CCDC141: variants seen among roughly 807,000 people sequenced by gnomAD.
CCDC141 encodes coiled-coil domain containing 141.
Under a neutral mutation model 181.0 loss-of-function variants are expected in CCDC141, and 168 were observed. The observed-to-expected ratio is 0.93, with a 90% CI of 0.82 to 1.05. The LOEUF is 1.05. CCDC141 is among the 50% of genes least tolerant of loss of function. CCDC141 has a pLI of 0.00. For missense variants in CCDC141, 1,902 were observed against 1,788.5 expected, an observed-to-expected ratio of 1.06 and a Z score of -1.14; for synonymous variants, 666 against 642.3, an observed-to-expected ratio of 1.04 and a Z score of -0.56.
intron 5 of CCDC141, among the ~76,000 whole-genome samples, chr2:178,945,965 A>T (rs185953526): frequency 6.6e-6 from 1 of 152,264 alleles, no homozygotes; most frequent in Admixed American, 6.5e-5. Context: ...GGTCTACACC[A>T]ACTCTTAGTA....
chr2:178,829,510 A>C (rs1449062056), downstream of CCDC141, among the ~76,000 whole-genome samples: 2 of 152,240 alleles, frequency 1.3e-5, no homozygotes, highest in African/African-American at 2.4e-5. Flanking sequence ...GATTCATGGA[A>C]AAAGGCCAAA....
intron 2 of CCDC141, among the ~76,000 whole-genome samples, chr2:179,030,861 T>C (rs932420590): frequency 6.6e-6 from 1 of 152,116 alleles, no homozygotes; most frequent in Non-Finnish European, 1.5e-5. Context: ...TCTTTTCTTA[T>C]CCTTGAAATA....
intron 2 of CCDC141, among the ~76,000 whole-genome samples, chr2:179,014,135 G>C (rs1009831420): frequency 6.6e-6 from 1 of 151,964 alleles, no homozygotes; most frequent in Non-Finnish European, 1.5e-5. Flanking sequence ...ACAGCCAACT[G>C]ATCTTCGACA....
At chr2:178,865,446 A>G (rs189882512) in intron 17 of CCDC141, among the ~76,000 whole-genome samples, 1 of 152,314 alleles carries the variant, frequency 6.6e-6, no homozygotes, top group East Asian at 1.9e-4. Flanking sequence ...TGACTGCTAT[A>G]CAGGTTTGAG....
chr2:178,948,674 C>T (rs986029815), intron 5 of CCDC141, among the ~76,000 whole-genome samples: 3 of 152,134 alleles, frequency 2.0e-5, no homozygotes, highest in African/African-American at 7.2e-5. Flanking sequence ...TTAATGCCCT[C>T]CCTTGGTGGG....
downstream of CCDC141, among the ~76,000 whole-genome samples, chr2:178,829,436 C>T (rs1466766661): frequency 6.6e-6 from 1 of 152,184 alleles, no homozygotes; most frequent in East Asian, 1.9e-4. Flanking sequence ...CCAACCTGCA[C>T]TGATGCTCAG....
chr2:178,839,607 A>AAAAAAG (rs1561624006), intron 22 of CCDC141, among the ~76,000 whole-genome samples: 9 of 139,952 alleles, frequency 6.4e-5, no homozygotes, highest in East Asian at 2.0e-4. Context: ...AAAAAAAAAA[A>AAAAAAG]TGTGTTTTCA....
At chr2:178,899,328 A>C (rs1357910254) in intron 8 of CCDC141, among the ~76,000 whole-genome samples, 2 of 151,894 alleles carry the variant, frequency 1.3e-5, no homozygotes, top group Non-Finnish European at 2.9e-5. Flanking sequence ...ATCACCTAAG[A>C]CTCATTTCTC....
intron 2 of CCDC141, among the ~76,000 whole-genome samples, chr2:179,031,775 A>G (rs954446611): frequency 3.9e-5 from 6 of 152,128 alleles, no homozygotes; most frequent in Admixed American, 3.9e-4. Flanking sequence ...TAAAAGTTTA[A>G]TAGCCTATGG....
At chr2:178,995,271 G>A (rs1172387658) in intron 2 of CCDC141, among the ~76,000 whole-genome samples, 1 of 152,200 alleles carries the variant, frequency 6.6e-6, no homozygotes, top group Non-Finnish European at 1.5e-5. Context: ...CAAGGCAGAA[G>A]GCAAGGAGGA....
chr2:178,986,174 A>T (rs928023660), intron 2 of CCDC141, among the ~76,000 whole-genome samples: 12 of 152,218 alleles, frequency 7.9e-5, no homozygotes, highest in African/African-American at 2.9e-4. Context: ...ACGCAAATCA[A>T]TAAATGTCAT....
intron 11 of CCDC141, among the ~76,000 whole-genome samples, chr2:178,881,355 T>C (rs1686598304): frequency 6.6e-6 from 1 of 152,140 alleles, no homozygotes; most frequent in African/African-American, 2.4e-5. Context: ...CATGATTCTA[T>C]AAATATAGGA....
In CCDC141 at chr2:178,868,057, C is replaced by T; in HGVS notation, c.2543G>A (p.Gly848Glu). The T allele has an allele frequency of 1.2e-6, 2 of 1,613,900 alleles. No homozygotes were observed. Among genetic ancestry groups the T allele is most frequent in the Non-Finnish European group, 1.7e-6 (2 of 1,179,864 alleles). ...DHLHRLALSL[G>E]VDIISSVQRP... ...CTGCACTGATGAGATGATGTCGACT[C>T]CTAAGGAAAGGGCCAGTCTGTGGAG... Residue 848 changes from glycine (G) to glutamate (E), a missense_variant, in exon 16 of 24, where the codon GGA (glycine) becomes GAA (glutamate). Physicochemically the swap from Gly to Glu is moderately conservative, Grantham distance 98. Coordinates refer to ENST00000443758, the MANE Select transcript of CCDC141 (RefSeq NM_173648.4).
rs1686294343 is a variant in CCDC141 at position 178,874,971 on chromosome 2, GACC to G, written c.1900-2662_1900-2660del. 3 of 152,330 alleles carry G rather than the reference GACC, an allele frequency of 2.0e-5. No individual in the cohort carries two copies. The South Asian group carries it at 6.2e-4, about 32-fold the overall frequency. 9.4% of individuals were successfully genotyped at this position (152,330 alleles called of 1,614,324 possible). ...TACCCAAACAAAGATTGGAGTTTGTGACCTGCCAGGGGCAGAGACGTCAGAGAA... is the reference window on the plus strand; with the variant it reads ...TACCCAAACAAAGATTGGAGTTTGTGTGCCAGGGGCAGAGACGTCAGAGAA... On this transcript the variant is annotated intron_variant, in intron 12 of 23. Coordinates refer to ENST00000443758, the MANE Select transcript of CCDC141 (RefSeq NM_173648.4).
intron 2 of CCDC141, among the ~76,000 whole-genome samples, chr2:179,034,632 C>T (rs2043089055): frequency 6.6e-6 from 1 of 152,192 alleles, no homozygotes; most frequent in African/African-American, 2.4e-5. Flanking sequence ...ATGCATTTTA[C>T]ATTTGAATGC....
At position 178,869,141 on chromosome 2, in the gene CCDC141, G is replaced by A; in HGVS notation, c.2370C>T (p.Val790=). Residue 790 remains valine, a synonymous_variant, in exon 15 of 24, where the codon GTC becomes GTT. Coordinates refer to ENST00000443758, the MANE Select transcript of CCDC141 (RefSeq NM_173648.4). ...QDYEDILYKV[V]QFHQVKEELG... ...CCTCTTCCTTGACTTGATGGAACTGGACCACCTTGTACAGGATATCCTCGT... is the reference window on the plus strand; with the variant it reads ...CCTCTTCCTTGACTTGATGGAACTGAACCACCTTGTACAGGATATCCTCGT... 6.2e-7 allele frequency: 1 copy of A among 1,602,924 alleles called. No homozygotes were observed. Among genetic ancestry groups the A allele is most frequent in the Non-Finnish European group, 8.5e-7 (1 of 1,176,226 alleles).
At position 179,000,499 on chromosome 2, in the gene CCDC141, G is replaced by A. The variant is rs184187917; in HGVS notation, c.226-21824C>T. On this transcript the variant is annotated intron_variant, in intron 2 of 23. Coordinates refer to ENST00000443758, the MANE Select transcript of CCDC141 (RefSeq NM_173648.4). ...TTACAGAAGAGGTTTGCTGACTTCTGGTTTAGAGAGCTGTTCAGCTTAAAA... is the reference window on the plus strand; with the variant it reads ...TTACAGAAGAGGTTTGCTGACTTCTAGTTTAGAGAGCTGTTCAGCTTAAAA... 3.0e-3 allele frequency among the ~76,000 whole-genome samples: 462 copies of A among 152,178 alleles called. 4 individuals are homozygous for A. The highest frequency in any genetic ancestry group is 0.01 in the African/African-American group (428 of 41,518).
chr2:178,921,405 ATGTGTTCT>A (rs1558982340), intron 6 of CCDC141, among the ~76,000 whole-genome samples: 1 of 152,220 alleles, frequency 6.6e-6, no homozygotes, highest in Non-Finnish European at 1.5e-5. Context: ...AGCTCTCCAA[ATGTGTTCT>A]TTATTTATGG....
chr2:178,904,595 T>G (rs888378837), intron 8 of CCDC141, among the ~76,000 whole-genome samples: 5 of 138,560 alleles, frequency 3.6e-5, no homozygotes, highest in African/African-American at 7.6e-5. Flanking sequence ...TTTTTTGTTC[T>G]CTCTCTGTGA....
Sources: allele counts gnomAD v4.1 joint callset (sites outside exome capture counted in the v4.1 genomes callset), GRCh38; gene constraint gnomAD v4.1.1; transcripts MANE v1.5; gene names NCBI Gene and HGNC (gene_info 2026-07-23, HGNC 2026-07-21).